Variants in BCKDHB observed in about 807,000 individuals in gnomAD.
BCKDHB encodes the protein 2-oxoisovalerate dehydrogenase subunit beta, mitochondrial.
In BCKDHB, 41 loss-of-function variants were observed where a neutral mutation model predicts 48.5. That is an observed-to-expected ratio of 0.85 (90% CI 0.66 to 1.10). The LOEUF (loss-of-function observed/expected upper bound fraction) is 1.10. BCKDHB is among the 50% of genes least tolerant of loss of function. The pLI, the probability that BCKDHB is intolerant of heterozygous loss-of-function variation, is 0.00. For missense variants in BCKDHB, 496 were observed against 494.2 expected (o/e 1.00, Z -0.03); for synonymous variants, 201 against 174.8 (o/e 1.15, Z -1.18).
intron 9 of BCKDHB, among the ~76,000 whole-genome samples, chr6:80,318,476 C>T (rs1294958509): frequency 6.6e-6 from 1 of 152,028 alleles, no homozygotes; most frequent in Admixed American, 6.6e-5. Context: ...CACCTGAGGT[C>T]AGGAGTTCGA....
chr6:80,132,073 A>G (rs530897237), intron 3 of BCKDHB, among the ~76,000 whole-genome samples: 1 of 152,080 alleles, frequency 6.6e-6, no homozygotes, highest in Admixed American at 6.6e-5. Flanking sequence ...ATTTTTATTA[A>G]AACTAATGTT....
At chr6:80,357,521 G>C in the BCKDHB span, among the ~76,000 whole-genome samples, 2 of 152,154 alleles carry the variant, frequency 1.3e-5, no homozygotes, top group Admixed American at 1.3e-4. Flanking sequence ...GAAGGGTGGA[G>C]AATGAATTTG....
intron 8 of BCKDHB, among the ~76,000 whole-genome samples, chr6:80,241,922 T>C (rs1398054866): frequency 1.3e-5 from 2 of 152,216 alleles, no homozygotes; most frequent in Non-Finnish European, 2.9e-5. Flanking sequence ...TCTTACTGAT[T>C]TGTGGATTTC....
chr6:80,189,459 G>A, intron 6 of BCKDHB, among the ~76,000 whole-genome samples: 1 of 152,138 alleles, frequency 6.6e-6, no homozygotes, highest in East Asian at 1.9e-4. Context: ...TGCTATACAG[G>A]CAGTGACATT....
chr6:80,298,337 G>C (rs1767370488), intron 9 of BCKDHB, among the ~76,000 whole-genome samples: 1 of 152,026 alleles, frequency 6.6e-6, no homozygotes, highest in South Asian at 2.1e-4. Flanking sequence ...GGTCACACCT[G>C]GCCTCAAGTG....
At chr6:80,292,483 A>G (rs1410986372) in intron 9 of BCKDHB, among the ~76,000 whole-genome samples, 1 of 152,096 alleles carries the variant, frequency 6.6e-6, no homozygotes, top group East Asian at 1.9e-4. Context: ...AGCCTGGGGA[A>G]GACCCATCCC....
intron 1 of BCKDHB, among the ~76,000 whole-genome samples, chr6:80,117,636 C>T (rs1372780515): frequency 2.6e-5 from 4 of 152,180 alleles, no homozygotes; most frequent in African/African-American, 4.8e-5. Flanking sequence ...GGCGGAAAAC[C>T]GCTTAAAGGC....
At chr6:80,328,410 C>T (rs912080086) in intron 9 of BCKDHB, among the ~76,000 whole-genome samples, 1 of 152,180 alleles carries the variant, frequency 6.6e-6, no homozygotes, top group African/African-American at 2.4e-5. Context: ...CAAGGACTCT[C>T]GTCTCCTTTC....
chr6:80,282,894 A>G (rs1443515384), intron 9 of BCKDHB, among the ~76,000 whole-genome samples: 1 of 152,132 alleles, frequency 6.6e-6, no homozygotes, highest in East Asian at 1.9e-4. Flanking sequence ...GTTGTTTTAA[A>G]TTAAAAAACC....
At chr6:80,327,766 C>T (rs1414429307) in intron 9 of BCKDHB, among the ~76,000 whole-genome samples, 1 of 152,066 alleles carries the variant, frequency 6.6e-6, no homozygotes, top group Non-Finnish European at 1.5e-5. Flanking sequence ...TGTGATCTCG[C>T]TACTATGAAG....
At chr6:80,415,020 T>C in the BCKDHB span, among the ~76,000 whole-genome samples, 3 of 150,956 alleles carry the variant, frequency 2.0e-5, no homozygotes, top group Admixed American at 2.0e-4. Flanking sequence ...TGTGTGTGTG[T>C]GTGGCAATTG....
chr6:80,188,560 GC>G (rs1343110659), intron 6 of BCKDHB, among the ~76,000 whole-genome samples: 1 of 152,018 alleles, frequency 6.6e-6, no homozygotes, highest in Non-Finnish European at 1.5e-5. Flanking sequence ...GATCACTCGA[GC>G]CTGGGAGGTG....
At chr6:80,401,783 G>T in the BCKDHB span, among the ~76,000 whole-genome samples, 1 of 151,682 alleles carries the variant, frequency 6.6e-6, no homozygotes, top group Non-Finnish European at 1.5e-5. Flanking sequence ...CTGTACTTCT[G>T]TGAGTTTGAA....
chr6:80,376,264 G>A, the BCKDHB span, among the ~76,000 whole-genome samples: 29 of 152,120 alleles, frequency 1.9e-4, no homozygotes, highest in Admixed American at 7.2e-4. Flanking sequence ...CTACTTCATC[G>A]CACAGGTTGC....
chr6:80,158,556 A>G (rs1370649021), intron 3 of BCKDHB, among the ~76,000 whole-genome samples: 1 of 152,192 alleles, frequency 6.6e-6, no homozygotes, highest in Non-Finnish European at 1.5e-5. Flanking sequence ...GCAGAATTAG[A>G]TAGAGGGAGA....
the BCKDHB span, among the ~76,000 whole-genome samples, chr6:80,461,492 A>G: frequency 6.7e-6 from 1 of 150,338 alleles, no homozygotes; most frequent in African/African-American, 2.5e-5. Context: ...AGAGTTTTAC[A>G]AAGTGTTACA....
At chr6:80,174,044 C>G (rs78074570) in intron 6 of BCKDHB, among the ~76,000 whole-genome samples, 28 of 152,036 alleles carry the variant, frequency 1.8e-4, no homozygotes, top group African/African-American at 6.8e-4. Context: ...ACCAGAGCAG[C>G]CTGACAATTT....
At chr6:80,439,476 T>C in the BCKDHB span, among the ~76,000 whole-genome samples, 1 of 152,242 alleles carries the variant, frequency 6.6e-6, no homozygotes, top group African/African-American at 2.4e-5. Context: ...TGGTCCATCC[T>C]AGGTCATCTG....
chr6:80,373,856 A>T, the BCKDHB span, among the ~76,000 whole-genome samples: 2 of 151,972 alleles, frequency 1.3e-5, no homozygotes, highest in African/African-American at 4.8e-5. Context: ...ATTTGCATGG[A>T]ATATATTTTT....
Sources: allele counts gnomAD v4.1 joint callset (sites outside exome capture counted in the v4.1 genomes callset), GRCh38; gene constraint gnomAD v4.1.1; transcripts MANE v1.5; gene names NCBI Gene and HGNC (gene_info 2026-07-23, HGNC 2026-07-21).